Variants in PCDHA11 observed in about 807,000 individuals in gnomAD.
PCDHA11 encodes the protein protocadherin alpha-11.
Under a neutral mutation model 70.3 loss-of-function variants are expected in PCDHA11, and 61 were observed. The observed-to-expected ratio is 0.87, with a 90% CI of 0.71 to 1.07. The LOEUF is 1.07. PCDHA11 is among the 50% of genes least tolerant of loss of function. The pLI, the probability that PCDHA11 is intolerant of heterozygous loss-of-function variation, is 0.00. For synonymous variants in PCDHA11, 633 were observed against 555.1 expected, an observed-to-expected ratio of 1.14 and a Z score of -1.97; for missense variants, 1,324 against 1,237.5, an observed-to-expected ratio of 1.07 and a Z score of -1.05.
intron 1 of PCDHA11, among the ~76,000 whole-genome samples, chr5:140,894,640 C>T (rs1004479669): frequency 4.6e-5 from 7 of 151,788 alleles, no homozygotes; most frequent in Admixed American, 4.6e-4. Flanking sequence ...CATATCATTA[C>T]TGAGTCTCTC....
At chr5:140,943,136 T>A (rs1554215378) in intron 1 of PCDHA11, among the ~76,000 whole-genome samples, 1 of 151,240 alleles carries the variant, frequency 6.6e-6, no homozygotes, top group Non-Finnish European at 1.5e-5. Flanking sequence ...TGGGTGCCTG[T>A]AGTCCCAGCT....
intron 1 of PCDHA11, chr5:140,967,982 G>T (rs1563372383): frequency 1.9e-6 from 3 of 1,614,224 alleles, no homozygotes; most frequent in Non-Finnish European, 2.5e-6. Context: ...GGGTCTGGAG[G>T]CCACACTGCC....
At position 140,876,392 on chromosome 5, in the gene PCDHA11, A is replaced by C. The variant is rs373053230; in HGVS notation, c.2391+4898A>C. ...ACAGGTGAAATTAGAATTTATGGTG[A>C]ACTGGATTTTGAAGAGAATAATGCC... On this transcript the variant is annotated intron_variant, in intron 1 of 3. Transcript: ENST00000398640. 1.2e-4 allele frequency: 194 copies of C among 1,613,822 alleles called. No individual in the cohort carries two copies. The highest frequency in any genetic ancestry group is 1.6e-4 in the Non-Finnish European group (184 of 1,179,914).
At chr5:140,882,776 T>C in intron 1 of PCDHA11, 2 of 1,614,252 alleles carry the variant, frequency 1.2e-6, no homozygotes, top group Non-Finnish European at 1.7e-6. Context: ...GGCATTGACC[T>C]ACCGACTGGA....
intron 1 of PCDHA11, chr5:140,929,617 A>C: frequency 2.5e-6 from 1 of 401,992 alleles, no homozygotes; most frequent in Non-Finnish European, 4.5e-6. Context: ...AAATACCAAA[A>C]TATTTTATAA....
chr5:141,006,105 G>T (rs2098255059), intron 3 of PCDHA11, among the ~76,000 whole-genome samples: 1 of 143,364 alleles, frequency 7.0e-6, no homozygotes. Context: ...ATGGTAAGGA[G>T]TTTTTTTTTT....
At position 141,000,421 on chromosome 5, in the gene PCDHA11, A is replaced by ATTTTTT. The variant is rs34755515; in HGVS notation, c.2540-9188_2540-9183dup. On this transcript the variant is annotated intron_variant, in intron 3 of 3. Coordinates refer to ENST00000398640, the MANE Select transcript of PCDHA11 (RefSeq NM_018902.5). ...TATATATATATATATATATATATAT[A>ATTTTTT]TTTTTTTTTTTTTTTTTTTTTTTGA... 3.2e-4 allele frequency among the ~76,000 whole-genome samples: 9 copies of ATTTTTT among 27,978 alleles called. 1 individual carries two copies. The highest frequency in any genetic ancestry group is 5.3e-4 in the African/African-American group (3 of 5,638). 18.4% of individuals were successfully genotyped at this position (27,978 alleles called of 152,430 possible).
chr5:140,879,532 C>T (rs1189647724), intron 1 of PCDHA11, among the ~76,000 whole-genome samples: 1 of 152,146 alleles, frequency 6.6e-6, no homozygotes, highest in Admixed American at 6.5e-5. Context: ...TTGGGAACAA[C>T]TCCTTTAGAG....
rs145919251 is a variant in PCDHA11, at chr5:140,979,502, C to T, written c.2450+495C>T. On this transcript the variant is annotated intron_variant, in intron 2 of 3. Coordinates refer to ENST00000398640, the MANE Select transcript of PCDHA11 (RefSeq NM_018902.5). Reference sequence around the variant, plus strand: ...GTGTTCACACCTATTAGAGCCTCCTCATCTTTCCCATCTGTTGCTATCTTA... The same window carrying T: ...GTGTTCACACCTATTAGAGCCTCCTTATCTTTCCCATCTGTTGCTATCTTA... 1.1e-3 allele frequency among the ~76,000 whole-genome samples: 170 copies of T among 152,258 alleles called. 4 individuals are homozygous for T. In the East Asian group the frequency reaches 0.028, roughly 25 times the overall value.
intron 1 of PCDHA11, chr5:140,969,102 T>C: frequency 1.2e-6 from 2 of 1,614,114 alleles, no homozygotes; most frequent in African/African-American, 1.3e-5. Flanking sequence ...CCTCACTTCA[T>C]TGAAGTTCGA....
chr5:140,884,935 A>G lies in PCDHA11; in HGVS notation c.2391+13441A>G, dbSNP rs577267570. ...AATAGTTCTAAGTATTTATCTTGCA[A>G]TTGAGCATTTACAAAAAATTCCTCA... On this transcript the variant is annotated intron_variant, in intron 1 of 3. Coordinates refer to ENST00000398640, the MANE Select transcript of PCDHA11 (RefSeq NM_018902.5). Among the ~76,000 whole-genome samples, 4 of 152,344 alleles carry G rather than the reference A, an allele frequency of 2.6e-5. No homozygotes were observed. In the East Asian group the frequency reaches 5.8e-4, roughly 22 times the overall value.
At chr5:141,001,885 A>C (rs1462586962) in intron 3 of PCDHA11, among the ~76,000 whole-genome samples, 2 of 152,228 alleles carry the variant, frequency 1.3e-5, no homozygotes, top group African/African-American at 2.4e-5. Context: ...GAAGGAGCAA[A>C]GAAATCGGGG....
chr5:140,918,511 C>G (rs574083461), intron 1 of PCDHA11, among the ~76,000 whole-genome samples: 1 of 152,144 alleles, frequency 6.6e-6, no homozygotes, highest in African/African-American at 2.4e-5. Flanking sequence ...TCCTTTTAAA[C>G]TTATTGAGGA....
At chr5:141,002,600 A>G (rs1269340072) in intron 3 of PCDHA11, among the ~76,000 whole-genome samples, 1 of 152,204 alleles carries the variant, frequency 6.6e-6, no homozygotes, top group Non-Finnish European at 1.5e-5. Flanking sequence ...CCCCTCATCT[A>G]TAAAACAGAC....
intron 1 of PCDHA11, among the ~76,000 whole-genome samples, chr5:140,874,476 A>G (rs1024531291): frequency 1.1e-4 from 17 of 152,236 alleles, no homozygotes; most frequent in Non-Finnish European, 8.8e-5. Context: ...TTAGAGAAAA[A>G]GCAAAAGGTT....
rs782166832 is a variant in PCDHA11, at chr5:140,882,300, C to G, written c.2391+10806C>G. 1.4e-5 allele frequency: 22 copies of G among 1,613,604 alleles called. No individual in the cohort carries two copies. The East Asian group carries it at 4.5e-4, about 33-fold the overall frequency. The stretch of plus-strand genomic sequence containing the variant: ...TCTTCCTGGCAAGGAGGCCCAAGAC[C>G]GCGGCAACTACTGCTCTGGCTTCTG... On this transcript the variant is annotated intron_variant, in intron 1 of 3. Coordinates refer to ENST00000398640, the MANE Select transcript of PCDHA11 (RefSeq NM_018902.5).
At chr5:140,935,570 T>C (rs2090442737) in intron 1 of PCDHA11, among the ~76,000 whole-genome samples, 1 of 152,236 alleles carries the variant, frequency 6.6e-6, no homozygotes, top group South Asian at 2.1e-4. Context: ...TTCCTCTCTG[T>C]GTAGTTAAGC....
intron 1 of PCDHA11, among the ~76,000 whole-genome samples, chr5:140,872,990 A>G (rs987650775): frequency 1.1e-4 from 17 of 152,184 alleles, no homozygotes; most frequent in African/African-American, 3.6e-4. Flanking sequence ...AAGATCATTT[A>G]CTTCTGAGTC....
Position 140,877,166 on chromosome 5 carries a change from TGCTGGCGACTCCG to T in PCDHA11, c.2391+5679_2391+5691del, listed in dbSNP as rs2056906844. The T allele has an allele frequency of 1.9e-6, 3 of 1,613,836 alleles. No individual in the cohort carries two copies. In the East Asian group the frequency reaches 6.7e-5, roughly 36 times the overall value. On this transcript the variant is annotated intron_variant, in intron 1 of 3. Coordinates refer to ENST00000398640, the MANE Select transcript of PCDHA11 (RefSeq NM_018902.5). The stretch of plus-strand genomic sequence containing the variant: ...GACGAGAACGACAACGCGCCGGCAC[TGCTGGCGACTCCG>T]GCTGGCAGCGCAGGAGGCGCAGTTA...
Sources: allele counts gnomAD v4.1 joint callset (sites outside exome capture counted in the v4.1 genomes callset), GRCh38; gene constraint gnomAD v4.1.1; transcripts MANE v1.5; gene names NCBI Gene and HGNC (gene_info 2026-07-23, HGNC 2026-07-21).